Variants in SPECC1 observed in about 807,000 individuals in gnomAD.
The protein encoded by SPECC1 is sperm antigen with calponin homology and coiled-coil domains 1, also known as cytospin-B.
In SPECC1, 62 loss-of-function variants were observed where a neutral mutation model predicts 104.1. The observed-to-expected ratio is 0.60, with a 90% CI of 0.49 to 0.74. The LOEUF is 0.74. Ranked by LOEUF, SPECC1 falls within the 30% of genes least tolerant of loss-of-function variation. The pLI is 0.00. For missense variants in SPECC1, 1,306 were observed against 1,310.5 expected (o/e 1.00, Z 0.05); for synonymous variants, 513 against 501.6 (o/e 1.02, Z -0.30).
At chr17:20,302,580 T>C (rs1049958474) in intron 13 of SPECC1, among the ~76,000 whole-genome samples, 1 of 151,692 alleles carries the variant, frequency 6.6e-6, no homozygotes, top group Admixed American at 6.5e-5. Flanking sequence ...ACCCCCTCTC[T>C]GTATTCTATG....
intron 2 of SPECC1, among the ~76,000 whole-genome samples, chr17:20,100,652 T>C (rs2047903114): frequency 6.6e-6 from 1 of 152,220 alleles, no homozygotes; most frequent in African/African-American, 2.4e-5. Flanking sequence ...GAATTATTAT[T>C]TTTTTAAAAT....
intron 12 of SPECC1, among the ~76,000 whole-genome samples, chr17:20,289,364 C>T (rs930798482): frequency 6.6e-6 from 1 of 151,946 alleles, no homozygotes; most frequent in Non-Finnish European, 1.5e-5. Context: ...GGCAGGGGCG[C>T]CATCTAGGCT....
chr17:20,050,482 G>GC (rs1338452891), intron 1 of SPECC1, among the ~76,000 whole-genome samples: 1 of 152,162 alleles, frequency 6.6e-6, no homozygotes, highest in East Asian at 1.9e-4. Flanking sequence ...TTTTTAAAAT[G>GC]CAAATTCAAT....
chr17:20,081,308 A>T (rs2046964914), intron 1 of SPECC1, among the ~76,000 whole-genome samples: 1 of 152,148 alleles, frequency 6.6e-6, no homozygotes, highest in Non-Finnish European at 1.5e-5. Context: ...AGGTGCTTCC[A>T]GAATGATTCT....
At chr17:20,093,735 T>TG (rs1357439236) in intron 1 of SPECC1, among the ~76,000 whole-genome samples, 30 of 33,260 alleles carry the variant, frequency 9.0e-4, no homozygotes, top group African/African-American at 4.0e-3. Context: ...TGTTTTTTGT[T>TG]TTTTTTTTTT....
chr17:20,089,364 G>T (rs2047308892), intron 1 of SPECC1, among the ~76,000 whole-genome samples: 1 of 152,160 alleles, frequency 6.6e-6, no homozygotes, highest in Non-Finnish European at 1.5e-5. Context: ...AGTGGCTCAT[G>T]CCAGTAATCC....
intron 3 of SPECC1, among the ~76,000 whole-genome samples, chr17:20,146,529 G>T (rs1183697408): frequency 6.6e-6 from 1 of 152,198 alleles, no homozygotes; most frequent in East Asian, 1.9e-4. Flanking sequence ...GCAGGTTTTT[G>T]TGTAGACCTA....
chr17:20,064,515 T>G (rs2046297383), intron 1 of SPECC1, among the ~76,000 whole-genome samples: 1 of 152,148 alleles, frequency 6.6e-6, no homozygotes, highest in African/African-American at 2.4e-5. Flanking sequence ...GGCAGGTACA[T>G]GACGCTAGAA....
intron 3 of SPECC1, among the ~76,000 whole-genome samples, chr17:20,161,629 A>G (rs938280262): frequency 1.3e-5 from 2 of 152,146 alleles, no homozygotes; most frequent in African/African-American, 4.8e-5. Flanking sequence ...AGTAAGGAGA[A>G]TGGAAAGGAG....
chr17:20,244,835 G>T (rs138169256), intron 7 of SPECC1, among the ~76,000 whole-genome samples: 1 of 152,356 alleles, frequency 6.6e-6, no homozygotes, highest in East Asian at 1.9e-4. Flanking sequence ...GAAGAGAGCA[G>T]TGATTTAGCA....
At chr17:20,187,346 A>G (rs1357110420) in intron 3 of SPECC1, among the ~76,000 whole-genome samples, 2 of 152,308 alleles carry the variant, frequency 1.3e-5, no homozygotes, top group African/African-American at 4.8e-5. Context: ...GTGAGTCAGC[A>G]TATCACCCTG....
intron 4 of SPECC1, among the ~76,000 whole-genome samples, chr17:20,221,838 T>G (rs1176632459): frequency 6.6e-6 from 1 of 152,160 alleles, no homozygotes; most frequent in East Asian, 1.9e-4. Context: ...ATGTTGTGTT[T>G]CCATTTTCAT....
At chr17:20,104,740 CAAAAAAAAAAAAA>C (rs745893309) in intron 2 of SPECC1, among the ~76,000 whole-genome samples, 1 of 57,240 alleles carries the variant, frequency 1.7e-5, no homozygotes. Context: ...GAGACTGTCT[CAAAAAAAAAAAAA>C]AAAAAAAAAA....
intron 1 of SPECC1, among the ~76,000 whole-genome samples, chr17:20,058,505 A>G (rs904352226): frequency 6.6e-6 from 1 of 152,020 alleles, no homozygotes; most frequent in Non-Finnish European, 1.5e-5. Flanking sequence ...TAAAAAATTT[A>G]AAAATTAGCT....
At chr17:20,299,773 G>A (rs1435074111) in intron 13 of SPECC1, among the ~76,000 whole-genome samples, 1 of 152,132 alleles carries the variant, frequency 6.6e-6, no homozygotes, top group African/African-American at 2.4e-5. Context: ...GGGAAAGATT[G>A]TATTTAAATC....
intron 3 of SPECC1, among the ~76,000 whole-genome samples, chr17:20,124,153 G>C (rs1294572441): frequency 6.6e-6 from 1 of 152,126 alleles, no homozygotes; most frequent in East Asian, 1.9e-4. Flanking sequence ...AATGGGGTGG[G>C]GATGTGTAGA....
chr17:20,178,614 CA>C (rs1234057758), intron 3 of SPECC1, among the ~76,000 whole-genome samples: 1 of 152,006 alleles, frequency 6.6e-6, no homozygotes, highest in African/African-American at 2.4e-5. Context: ...AGATGAAATA[CA>C]AAGGGTAACA....
At chr17:20,131,502 C>G (rs2152547891) in intron 3 of SPECC1, among the ~76,000 whole-genome samples, 1 of 152,102 alleles carries the variant, frequency 6.6e-6, no homozygotes, top group East Asian at 1.9e-4. Flanking sequence ...TTCTTCATTT[C>G]TGATCTGTAT....
chr17:20,291,569 C>T (rs935024432), intron 12 of SPECC1, among the ~76,000 whole-genome samples: 4 of 151,870 alleles, frequency 2.6e-5, no homozygotes, highest in African/African-American at 7.3e-5. Flanking sequence ...TTTTAAAAGA[C>T]GGTTTTGCTC....
Sources: gnomAD v4.1 joint callset for allele counts (sites outside exome capture counted in the v4.1 genomes callset) on GRCh38, gnomAD v4.1.1 for gene constraint, MANE v1.5 for transcripts, NCBI Gene and HGNC (gene_info 2026-07-23, HGNC 2026-07-21) for gene names.